The following KIRREL2 variants were observed in gnomAD, a reference collection of about 807,000 sequenced individuals.
KIRREL2 encodes the protein kin of IRRE-like protein 2.
Under a neutral mutation model 73.4 loss-of-function variants are expected in KIRREL2, and 56 were observed. That is an observed-to-expected ratio of 0.76 (90% CI 0.62 to 0.95). The LOEUF is 0.95. KIRREL2 is among the 40% of genes least tolerant of loss of function. The pLI is 0.00. For synonymous variants in KIRREL2, 407 were observed against 404.0 expected, an observed-to-expected ratio of 1.01 and a Z score of -0.09; for missense variants, 896 against 935.0, an observed-to-expected ratio of 0.96 and a Z score of 0.54.
intron 2 of KIRREL2, 84 bp from the exon 3 acceptor site, chr19:35,858,324 T>C: frequency 6.6e-7 from 1 of 1,515,922 alleles, no homozygotes; most frequent in Non-Finnish European, 9.0e-7. Flanking sequence ...GGGCCAGTTT[T>C]CTGGTGGAGG....
At chr19:35,865,613 G>A (rs1973933597) in intron 14 of KIRREL2, among the ~76,000 whole-genome samples, 1 of 152,180 alleles carries the variant, frequency 6.6e-6, no homozygotes, top group African/African-American at 2.4e-5. Flanking sequence ...ACCCATCACA[G>A]CCATGACCAC....
chr19:35,861,720 A>G (rs1973697563), intron 10 of KIRREL2, 79 bp downstream of exon 10: 1 of 1,584,162 alleles, frequency 6.3e-7, no homozygotes, highest in Admixed American at 1.7e-5. Context: ...AACTACTGTG[A>G]CCATTTCTGA....
rs778114621 is a variant in KIRREL2 at position 35,861,595 on chromosome 19, C to T, written c.1244C>T (p.Ala415Val). 12 of 1,613,772 alleles carry T rather than the reference C, an allele frequency of 7.4e-6. No individual in the cohort carries two copies. Among genetic ancestry groups the T allele is most frequent in the Admixed American group, 5.0e-5 (3 of 59,888 alleles). Residue 415 changes from alanine (A) to valine (V), a missense_variant, in exon 10 of 15, where the codon GCT becomes GTT. Physicochemically the swap from Ala to Val is moderately conservative, Grantham distance 64 (BLOSUM62 0). Coordinates refer to ENST00000360202, the MANE Select transcript of KIRREL2 (RefSeq NM_199180.4). ...GCGCCTGCCTTCCTGAGGGGCCCTGCTCGCCTCCAGTGTCTGGTTTTCGCC... is the reference window on the plus strand; with the variant it reads ...GCGCCTGCCTTCCTGAGGGGCCCTGTTCGCCTCCAGTGTCTGGTTTTCGCC... The part of the protein sequence containing the change: ...HSAPAFLRGP[A>V]RLQCLVFASP...
At chr19:35,861,437 A>G in intron 9 of KIRREL2, 104 bp from the exon 10 acceptor site, 1 of 1,457,926 alleles carries the variant, frequency 6.9e-7, no homozygotes, top group Non-Finnish European at 9.4e-7. Flanking sequence ...GCGTGGCCTG[A>G]TTGATTGAGG....
At chr19:35,865,927 C>G (rs1402687270) in intron 14 of KIRREL2, among the ~76,000 whole-genome samples, 1 of 152,188 alleles carries the variant, frequency 6.6e-6, no homozygotes, top group African/African-American at 2.4e-5. Context: ...AGGCCTATAT[C>G]CCTCCGTCTC....
At chr19:35,853,351 A>G (rs1461209707), upstream of KIRREL2, among the ~76,000 whole-genome samples, 4 of 152,160 alleles carry the variant, frequency 2.6e-5, no homozygotes, top group Non-Finnish European at 5.9e-5. Flanking sequence ...GTCCAATTCC[A>G]CCGGCCCCCA....
Position 35,860,985 on chromosome 19 carries a change from G to T in KIRREL2, c.1005G>T (p.Trp335Cys). 1 of 1,613,426 alleles carries T rather than the reference G, an allele frequency of 6.2e-7. No individual in the cohort carries two copies. The highest frequency in any genetic ancestry group is 8.5e-7 in the Non-Finnish European group (1 of 1,179,830). ...VGEDASFSCAWRGNPLPRVTW... is the reference protein window; with the variant it reads ...VGEDASFSCACRGNPLPRVTW... ...AAGACGCTTCCTTCAGCTGCGCCTG[G>T]CGCGGGAACCCGCTTCCACGGGTAA... is the stretch of plus-strand genomic sequence containing the variant. Residue 335 changes from tryptophan to cysteine, a missense_variant, in exon 8 of 15, where the codon TGG (tryptophan) becomes TGT (cysteine). Coordinates refer to ENST00000360202, the MANE Select transcript of KIRREL2 (RefSeq NM_199180.4).
At chr19:35,851,649 C>G (rs768721706), upstream of KIRREL2, 9 of 1,613,424 alleles carry the variant, frequency 5.6e-6, no homozygotes, top group Non-Finnish European at 7.6e-6. Flanking sequence ...GGAACGGAGG[C>G]AGGAATCGCC....
In KIRREL2 at chr19:35,866,573, G is replaced by T; in HGVS notation, c.*81G>T. 6.2e-7 allele frequency: 1 copy of T among 1,600,134 alleles called. No individual in the cohort carries two copies. The highest frequency in any genetic ancestry group is 1.1e-5 in the South Asian group (1 of 89,648). On this transcript the variant is annotated 3_prime_UTR_variant, in exon 15 of 15. Transcript: ENST00000360202. ...GATTTCTGAGGAGCCAGGACAAGTTGGCGACCTTACTCCTCCAAAACTGAA... is the reference window on the plus strand; with the variant it reads ...GATTTCTGAGGAGCCAGGACAAGTTTGCGACCTTACTCCTCCAAAACTGAA...
chr19:35,856,810 C>T (rs1403995053), upstream of KIRREL2: 1 of 456,496 alleles, frequency 2.2e-6, no homozygotes, highest in Non-Finnish European at 4.0e-6. The surrounding 1 kb of genome is among the most constrained non-coding windows in gnomAD (Gnocchi z 5.9). Context: ...CCCCATTCAT[C>T]CGCGTCTCAG....
chr19:35,863,703 C>T (rs754116687), intron 13 of KIRREL2, among the ~76,000 whole-genome samples: 43 of 152,046 alleles, frequency 2.8e-4, no homozygotes, highest in Non-Finnish European at 5.7e-4. Context: ...CCACCCGCCT[C>T]GACCTCCCAA....
At chr19:35,854,033 C>T (rs1205549590), upstream of KIRREL2, among the ~76,000 whole-genome samples, 4 of 151,900 alleles carry the variant, frequency 2.6e-5, no homozygotes, top group Non-Finnish European at 5.9e-5. Context: ...TTAGTAGAGA[C>T]GGGGTTTCGC....
intron 7 of KIRREL2, 86 bp downstream of exon 7, chr19:35,860,753 C>A: frequency 3.8e-6 from 6 of 1,584,506 alleles, no homozygotes; most frequent in Non-Finnish European, 5.1e-6. Context: ...GGGGCGGGGC[C>A]GGGAGAGCGA....
intron 7 of KIRREL2, 110 bp from the exon 8 acceptor site, chr19:35,860,799 G>T: frequency 6.3e-7 from 1 of 1,587,152 alleles, no homozygotes; most frequent in South Asian, 1.1e-5. Context: ...TGTGGAGCTG[G>T]GGCATATTCT....
chr19:35,851,705 G>C, upstream of KIRREL2: 1 of 1,591,738 alleles, frequency 6.3e-7, no homozygotes, highest in Non-Finnish European at 8.6e-7. Flanking sequence ...GGAAAGGGCA[G>C]AGGGTTTGTC....
intron 9 of KIRREL2, 30 bp downstream of exon 9, chr19:35,861,284 G>T: frequency 6.6e-7 from 1 of 1,515,270 alleles, no homozygotes; most frequent in African/African-American, 1.4e-5. Flanking sequence ...TAGGGGACCT[G>T]GCCCGTCCTG....
intron 9 of KIRREL2, 67 bp from the exon 10 acceptor site, chr19:35,861,474 C>T (rs1469880938): frequency 1.9e-6 from 3 of 1,540,264 alleles, no homozygotes; most frequent in African/African-American, 2.7e-5. Context: ...TGGACAGACC[C>T]GGCTTTGTTA....
At chr19:35,853,316 G>C (rs1338450114), upstream of KIRREL2, among the ~76,000 whole-genome samples, 1 of 152,214 alleles carries the variant, frequency 6.6e-6, no homozygotes, top group African/African-American at 2.4e-5. Flanking sequence ...GAGTGCACAG[G>C]GTGTGGGCGG....
Position 35,860,872 on chromosome 19 carries a change from CG to C in KIRREL2, c.929-36del, listed in dbSNP as rs1973639940. On this transcript the variant is annotated intron_variant, in intron 7 of 14. Coordinates refer to ENST00000360202, the MANE Select transcript of KIRREL2 (RefSeq NM_199180.4). ...TGATCCCAGGTCAGTGGCTGCATTC[CG>C]CCCCGGCCATGTGACCCCTAGTCTC... The C allele has an allele frequency of 5.0e-6, 8 of 1,612,068 alleles. No homozygotes were observed. In the East Asian group the frequency reaches 1.8e-4, roughly 36 times the overall value.
Sources: allele counts gnomAD v4.1 joint callset (sites outside exome capture counted in the v4.1 genomes callset), GRCh38; gene constraint gnomAD v4.1.1; non-coding constraint Gnocchi (gnomAD v3.1); transcripts MANE v1.5; gene names NCBI Gene and HGNC (gene_info 2026-07-23, HGNC 2026-07-21).